Variants in BBS4 observed in about 807,000 individuals in gnomAD.
BBS4 encodes Bardet-Biedl syndrome 4, also known as BBSome complex member BBS4.
BBS4 carries 58 observed loss-of-function variants against 71.4 expected under a neutral mutation model. The ratio of observed to expected loss-of-function variants is 0.81; its 90% confidence interval spans 0.66 to 1.01. BBS4 has a LOEUF of 1.01. Ranked by LOEUF, BBS4 falls within the 50% of genes least tolerant of loss-of-function variation. BBS4 has a pLI of 0.00. For synonymous variants in BBS4, 228 were observed against 216.8 expected (o/e 1.05, Z -0.46); for missense variants, 660 against 607.9 (o/e 1.09, Z -0.90).
rs756415809 is a variant in BBS4 at position 72,707,177 on chromosome 15, C to CTTTTTTTTTTTTTTTTTTTTT, written c.77-2519_77-2518insTTTTTTTTTTTTTTTTTTTTT. Among the ~76,000 whole-genome samples the CTTTTTTTTTTTTTTTTTTTTT allele has an allele frequency of 1.5e-5, 2 of 132,448 alleles. 1 individual carries two copies. Among genetic ancestry groups the CTTTTTTTTTTTTTTTTTTTTT allele is most frequent in the Non-Finnish European group, 3.3e-5 (2 of 60,634 alleles). 86.9% of individuals were successfully genotyped at this position (132,448 alleles called of 152,430 possible). ...GCTCTTCCCTTTCTTTTCCTTTTTT[C>CTTTTTTTTTTTTTTTTTTTTT]TTTTCTTTTTTTTTTTTTGGAGACA... On this transcript the variant is annotated intron_variant, in intron 2 of 15. Transcript: ENST00000268057.
chr15:72,723,317 T>C (rs1222034104), intron 7 of BBS4, among the ~76,000 whole-genome samples: 1 of 152,182 alleles, frequency 6.6e-6, no homozygotes. Flanking sequence ...TTATTTTCCA[T>C]GATGAGAAAT....
intron 10 of BBS4, among the ~76,000 whole-genome samples, chr15:72,729,887 T>C (rs370009782): frequency 6.6e-6 from 1 of 152,222 alleles, no homozygotes; most frequent in East Asian, 1.9e-4. Context: ...ACATTTGTTA[T>C]AATAGACGTG....
At chr15:72,703,139 C>G (rs2065206715) in intron 2 of BBS4, among the ~76,000 whole-genome samples, 1 of 152,142 alleles carries the variant, frequency 6.6e-6, no homozygotes. Context: ...GCCTCCTTTT[C>G]TTCCCAGGCT....
intron 6 of BBS4, among the ~76,000 whole-genome samples, chr15:72,717,865 G>C (rs1186812380): frequency 8.5e-5 from 13 of 152,116 alleles, no homozygotes; most frequent in Middle Eastern, 6.8e-3. Context: ...GTGGTGCGGG[G>C]GGGTACAGAG....
chr15:72,717,554 T>C (rs1282189242), intron 6 of BBS4, among the ~76,000 whole-genome samples: 1 of 151,974 alleles, frequency 6.6e-6, no homozygotes, highest in Admixed American at 6.6e-5. Context: ...ACAGAGCCTA[T>C]ACTGGGAAAG....
At chr15:72,695,386 C>A (rs912566265) in intron 2 of BBS4, among the ~76,000 whole-genome samples, 158 bp downstream of exon 2, 2 of 152,048 alleles carry the variant, frequency 1.3e-5, no homozygotes, top group Admixed American at 6.6e-5. Context: ...CTCTGGGGCT[C>A]AAGCAATTCT....
intron 1 of BBS4, among the ~76,000 whole-genome samples, chr15:72,693,175 G>T (rs1441754986): frequency 6.6e-6 from 1 of 152,112 alleles, no homozygotes; most frequent in African/African-American, 2.4e-5. Context: ...TAGTTTTGTA[G>T]TTCTTAATGT....
chr15:72,702,201 A>G (rs2065182377), intron 2 of BBS4, among the ~76,000 whole-genome samples: 3 of 152,186 alleles, frequency 2.0e-5, no homozygotes, highest in African/African-American at 7.2e-5. Context: ...CAGCCCAAAC[A>G]TTTACATTGT....
At chr15:72,725,790 T>TCC (rs2065668274) in intron 8 of BBS4, among the ~76,000 whole-genome samples, 1 of 35,822 alleles carries the variant, frequency 2.8e-5, no homozygotes, top group Non-Finnish European at 5.2e-5. Flanking sequence ...CCTTCCTCCT[T>TCC]CCCTCTTCCC....
intron 6 of BBS4, 158 bp downstream of exon 6, chr15:72,717,008 A>G (rs2151025263): frequency 1.5e-6 from 1 of 654,240 alleles, no homozygotes; most frequent in East Asian, 2.8e-5. Flanking sequence ...ATCAAAAACC[A>G]TGTTTCCTCA....
intron 6 of BBS4, among the ~76,000 whole-genome samples, chr15:72,717,733 A>G (rs2065492420): frequency 6.6e-6 from 1 of 152,190 alleles, no homozygotes; most frequent in South Asian, 2.1e-4. Flanking sequence ...CAGGTAGGCA[A>G]GTAGATAACT....
intron 2 of BBS4, 101 bp from the exon 3 acceptor site, chr15:72,709,599 T>C: frequency 1.2e-6 from 1 of 849,530 alleles, no homozygotes; most frequent in Non-Finnish European, 2.0e-6. Context: ...AATTTTAATG[T>C]GATATTGCAG....
intron 8 of BBS4, among the ~76,000 whole-genome samples, chr15:72,727,062 G>A (rs953697229): frequency 1.3e-5 from 2 of 152,218 alleles, no homozygotes; most frequent in Non-Finnish European, 2.9e-5. Flanking sequence ...CAAAGTGGAT[G>A]TTTATTATGG....
rs1200645959 is a variant in BBS4 at position 72,715,398 on chromosome 15, T to TA, written c.328_329insA (p.Ser110TyrfsTer9). 6.2e-7 allele frequency: 1 copy of TA among 1,611,294 alleles called. No individual in the cohort carries two copies. Among genetic ancestry groups the TA allele is most frequent in the Non-Finnish European group, 8.5e-7 (1 of 1,177,434 alleles). On this transcript the variant is annotated frameshift_variant, in exon 5 of 16. Transcript: ENST00000268057. LOFTEE classifies it high-confidence loss of function. Reference sequence around the variant, plus strand: ...TGATAACCTCAAGCAGGTGGCCAGATCTTTGTGAGTATTGGCAACCTGGAG... The same window carrying TA: ...TGATAACCTCAAGCAGGTGGCCAGATACTTTGTGAGTATTGGCAACCTGGAG...
intron 2 of BBS4, among the ~76,000 whole-genome samples, chr15:72,707,546 A>G (rs1233742200): frequency 6.6e-6 from 1 of 152,106 alleles, no homozygotes; most frequent in Non-Finnish European, 1.5e-5. Context: ...ATAAACACAC[A>G]TGTACTCACT....
intron 3 of BBS4, among the ~76,000 whole-genome samples, chr15:72,711,080 C>T (rs186421003): frequency 1.3e-5 from 2 of 151,616 alleles, no homozygotes; most frequent in African/African-American, 4.8e-5. Flanking sequence ...GGATTACAGG[C>T]GTGAGCCACC....
chr15:72,698,219 A>G (rs925853550), intron 2 of BBS4, among the ~76,000 whole-genome samples: 2 of 152,168 alleles, frequency 1.3e-5, no homozygotes, highest in African/African-American at 4.8e-5. Flanking sequence ...TAATTGTTTA[A>G]TAGAATAATT....
intron 1 of BBS4, chr15:72,686,527 C>G: frequency 6.7e-7 from 1 of 1,500,632 alleles, no homozygotes; most frequent in Admixed American, 2.0e-5. Context: ...ATGGCTCTTA[C>G]CGTAGTGCCA....
chr15:72,693,499 A>G (rs1009836694), intron 1 of BBS4, among the ~76,000 whole-genome samples: 4 of 152,180 alleles, frequency 2.6e-5, no homozygotes, highest in African/African-American at 9.7e-5. Flanking sequence ...TTTGTGGGCC[A>G]TAGAGTCTCT....
Sources: allele counts gnomAD v4.1 joint callset (sites outside exome capture counted in the v4.1 genomes callset), GRCh38; gene constraint gnomAD v4.1.1; transcripts MANE v1.5; gene names NCBI Gene and HGNC (gene_info 2026-07-23, HGNC 2026-07-21).